The following ATAD2B variants were observed in gnomAD, a reference collection of about 807,000 sequenced individuals.
ATAD2B encodes the protein ATPase family AAA domain containing 2B.
Under a neutral mutation model 167.6 loss-of-function variants are expected in ATAD2B, and 40 were observed. The ratio of observed to expected loss-of-function variants is 0.24; its 90% confidence interval spans 0.19 to 0.31. The LOEUF is 0.31. Among genes scored for constraint, ATAD2B ranks in the 10% least tolerant of loss-of-function variants. The pLI is 1.00. For synonymous variants in ATAD2B, 579 were observed against 596.5 expected (o/e 0.97, Z 0.43); for missense variants, 1,242 against 1,757.2 (o/e 0.71, Z 5.24).
chr2:23,703,953 C>A, the ATAD2B span: 1 of 1,377,162 alleles, frequency 7.3e-7, no homozygotes, highest in Non-Finnish European at 9.7e-7. Context: ...CATCAGTGAC[C>A]ATAGCAATTC....
intron 15 of ATAD2B, among the ~76,000 whole-genome samples, chr2:23,824,165 T>C (rs1186277103): frequency 6.6e-6 from 1 of 152,178 alleles, no homozygotes; most frequent in Non-Finnish European, 1.5e-5. Context: ...TCTCACTACA[T>C]TGCCTAGGCT....
chr2:23,837,937 A>T (rs763377603), intron 13 of ATAD2B, among the ~76,000 whole-genome samples: 2 of 152,236 alleles, frequency 1.3e-5, no homozygotes, highest in Admixed American at 1.3e-4. Flanking sequence ...GCCTAATTAT[A>T]ACAGAAACTG....
intron 24 of ATAD2B, among the ~76,000 whole-genome samples, chr2:23,761,874 A>G (rs1676785135): frequency 6.6e-6 from 1 of 152,304 alleles, no homozygotes; most frequent in South Asian, 2.1e-4. Context: ...AACATCCTGC[A>G]TAGTGTACAA....
intron 16 of ATAD2B, 106 bp downstream of exon 16, chr2:23,823,152 C>T: frequency 1.0e-6 from 1 of 1,003,178 alleles, no homozygotes; most frequent in Non-Finnish European, 1.4e-6. Context: ...ACTGAATAAA[C>T]AGATATATTA....
intron 16 of ATAD2B, among the ~76,000 whole-genome samples, chr2:23,820,889 C>A (rs1159932925): frequency 6.6e-6 from 1 of 152,076 alleles, no homozygotes; most frequent in Non-Finnish European, 1.5e-5. Context: ...GCGGAGCTTG[C>A]AGTGAGCCAA....
chr2:23,839,902 A>G (rs1256492324), intron 13 of ATAD2B, among the ~76,000 whole-genome samples: 2 of 151,898 alleles, frequency 1.3e-5, no homozygotes, highest in Non-Finnish European at 2.9e-5. Flanking sequence ...CTTTTACTCA[A>G]CCCCTAGGGA....
Position 23,798,224 on chromosome 2 carries a change from G to A in ATAD2B, c.2554C>T (p.Leu852=), listed in dbSNP as rs1362041788. 2 of 1,609,160 alleles carry A rather than the reference G, an allele frequency of 1.2e-6. No individual in the cohort carries two copies. The highest frequency in any genetic ancestry group is 1.7e-6 in the Non-Finnish European group (2 of 1,176,302). ...GATGGTATATCTTGTAGCAATGTCA[G>A]AAAAGTTGCTCTCACAGTTTCACTG... ...AVSETVRATF[L]TLLQDIPSFS... is the part of the protein sequence containing the mutation. Residue 852 remains leucine (L), a synonymous_variant, in exon 19 of 28, where the codon CTG becomes TTG. Coordinates refer to ENST00000238789, the MANE Select transcript of ATAD2B (RefSeq NM_017552.4).
intron 13 of ATAD2B, among the ~76,000 whole-genome samples, chr2:23,841,719 T>C (rs1473456822): frequency 6.6e-6 from 1 of 152,130 alleles, no homozygotes; most frequent in African/African-American, 2.4e-5. Context: ...TCTAGTTATG[T>C]TGCCCAGGCT....
intron 18 of ATAD2B, among the ~76,000 whole-genome samples, chr2:23,802,291 C>A (rs894116203): frequency 6.6e-6 from 1 of 152,006 alleles, no homozygotes; most frequent in African/African-American, 2.4e-5. Flanking sequence ...TAAATAACAT[C>A]TGTGCATTGC....
At chr2:23,706,510 C>T in the ATAD2B span, 2 of 1,533,776 alleles carry the variant, frequency 1.3e-6, no homozygotes, top group Non-Finnish European at 1.7e-6. Context: ...AAGATTTATG[C>T]AACTGGAGGT....
At chr2:23,779,668 A>C (rs1396028036) in intron 22 of ATAD2B, among the ~76,000 whole-genome samples, 4 of 152,310 alleles carry the variant, frequency 2.6e-5, no homozygotes, top group African/African-American at 9.6e-5. Flanking sequence ...AAAAACTAAA[A>C]AATCTAATAT....
chr2:23,919,188 A>C (rs201554055), intron 1 of ATAD2B, among the ~76,000 whole-genome samples: 6 of 150,862 alleles, frequency 4.0e-5, no homozygotes, highest in African/African-American at 1.5e-4. Context: ...ATTAAAAAAA[A>C]AGAGAGAGAG....
In ATAD2B at chr2:23,765,530, T is replaced by C; in HGVS notation, c.3232A>G (p.Ile1078Val). The stretch of plus-strand genomic sequence containing the variant: ...CCTCTTTTTATTCTTGCTTCCTTAA[T>C]TTCCTCACAAAGTTTATTAAATTCT... ...DPEFNKLCEE[I>V]KEARIKRGLS... Residue 1078 changes from isoleucine (I) to valine (V), a missense_variant, in exon 23 of 28, where the codon ATT becomes GTT. Physicochemically the swap from Ile to Val is conservative, Grantham distance 29. Transcript: ENST00000238789. 6.3e-7 allele frequency: 1 copy of C among 1,591,084 alleles called. No individual in the cohort carries two copies.
intron 19 of ATAD2B, 34 bp downstream of exon 19, chr2:23,798,104 A>C: frequency 7.7e-7 from 1 of 1,303,726 alleles, no homozygotes; most frequent in Non-Finnish European, 1.0e-6. Flanking sequence ...AGAACAATAT[A>C]ATAAGGAAAG....
chr2:23,686,544 G>A, the ATAD2B span, among the ~76,000 whole-genome samples: 78 of 152,148 alleles, frequency 5.1e-4, 1 homozygote, highest in African/African-American at 1.2e-3. Context: ...GGACCAGGAC[G>A]GAAAGGCAAG....
In ATAD2B at chr2:23,836,688, G is replaced by A. The variant is rs545456825; in HGVS notation, c.1569-2610C>T. On this transcript the variant is annotated intron_variant, in intron 13 of 27. Transcript: ENST00000238789. ...CATGTTGAGTGTTGTTCAGCTCTCA[G>A]CAGAGAGGAGGTCCTGGAGTGGGTA... Among the ~76,000 whole-genome samples the A allele has an allele frequency of 8.5e-5, 13 of 152,282 alleles. 1 individual carries two copies. The South Asian group carries it at 2.7e-3, about 32-fold the overall frequency.
At chr2:23,705,969 C>T in the ATAD2B span, among the ~76,000 whole-genome samples, 2 of 152,168 alleles carry the variant, frequency 1.3e-5, no homozygotes, top group Non-Finnish European at 2.9e-5. Context: ...AGAGCATGCC[C>T]GGCCCTTGCA....
chr2:23,696,709 C>T, the ATAD2B span: 10 of 529,790 alleles, frequency 1.9e-5, no homozygotes, highest in African/African-American at 2.0e-4. This position sits in a 1 kb window ranked among gnomAD's most constrained non-coding sequence, Gnocchi z 5.5. Context: ...GATGGGATGA[C>T]ATCTGTGTCA....
chr2:23,715,272 T>A, the ATAD2B span, among the ~76,000 whole-genome samples: 1 of 152,298 alleles, frequency 6.6e-6, no homozygotes, highest in Non-Finnish European at 1.5e-5. Flanking sequence ...TCTAGTATTG[T>A]CATTAAAATA....
Sources: allele counts gnomAD v4.1 joint callset (sites outside exome capture counted in the v4.1 genomes callset), GRCh38; gene constraint gnomAD v4.1.1; non-coding constraint Gnocchi (gnomAD v3.1); transcripts MANE v1.5; gene names NCBI Gene and HGNC (gene_info 2026-07-23, HGNC 2026-07-21).